Variants in SERPINA5 observed in about 807,000 individuals in gnomAD.
SERPINA5 encodes plasma serine protease inhibitor.
SERPINA5 carries 25 observed loss-of-function variants against 25.3 expected under a neutral mutation model. The ratio of observed to expected loss-of-function variants is 0.99; its 90% confidence interval spans 0.72 to 1.38. The LOEUF (loss-of-function observed/expected upper bound fraction) is 1.38, where lower values mean the gene tolerates loss of function less well. SERPINA5 is among the 40% of genes most tolerant of loss of function. The probability of loss-of-function intolerance (pLI) is 0.00; values close to 1 mark genes in which losing one functional copy is unlikely to be tolerated. For missense variants in SERPINA5, 599 were observed against 509.5 expected (o/e 1.18, Z -1.69); for synonymous variants, 234 against 206.2 (o/e 1.14, Z -1.16).
Position 94,587,986 on chromosome 14 carries a change from G to A in SERPINA5, c.619+5G>A, listed in dbSNP as rs767343216. 8.7e-6 allele frequency: 14 copies of A among 1,608,748 alleles called. No homozygotes were observed. The African/African-American group carries it at 1.5e-4, about 17-fold the overall frequency. On this transcript the variant is annotated splice_donor_5th_base_variant and intron_variant, in intron 3 of 5. Transcript: ENST00000329597. ...TGAATTACATCTTCTTTAAAGGTAAGGCCCTTGGGCCCAAACCTGCACTTT... is the reference window on the plus strand; with the variant it reads ...TGAATTACATCTTCTTTAAAGGTAAAGCCCTTGGGCCCAAACCTGCACTTT...
At chr14:94,589,053 C>T (rs1006048378) in intron 3 of SERPINA5, among the ~76,000 whole-genome samples, 1 of 152,310 alleles carries the variant, frequency 6.6e-6, no homozygotes. Flanking sequence ...TTTCCTATCC[C>T]CTGGTGCAGG....
Position 94,590,775 on chromosome 14 carries a change from T to C in SERPINA5, c.917T>C (p.Phe306Ser), listed in dbSNP as rs770185883. The C allele has an allele frequency of 5.0e-6, 8 of 1,613,728 alleles. No individual in the cohort carries two copies. Among genetic ancestry groups the C allele is most frequent in the Non-Finnish European group, 6.8e-6 (8 of 1,179,862 alleles). Residue 306 changes from phenylalanine (F) to serine (S), a missense_variant, in exon 5 of 6, where the codon TTC becomes TCC. Transcript: ENST00000329597. The part of the protein sequence containing the change: ...KRQLELYLPK[F>S]SIEGSYQLEK... ...CAGCTCGAGCTTTACCTTCCCAAAT[T>C]CTCCATTGAGGGCTCCTATCAGCTG...
At chr14:94,583,791 G>A (rs1423347985) in intron 2 of SERPINA5, among the ~76,000 whole-genome samples, 1 of 152,162 alleles carries the variant, frequency 6.6e-6, no homozygotes, top group East Asian at 1.9e-4. Context: ...AAACACTAAA[G>A]CCAGGGACCA....
chr14:94,584,997 C>T (rs775830929), intron 2 of SERPINA5, among the ~76,000 whole-genome samples: 20 of 152,198 alleles, frequency 1.3e-4, no homozygotes, highest in Non-Finnish European at 2.2e-4. Context: ...ACTCTGCTCA[C>T]TCATTATCTG....
At chr14:94,584,990 C>T (rs1885028421) in intron 2 of SERPINA5, among the ~76,000 whole-genome samples, 3 of 152,228 alleles carry the variant, frequency 2.0e-5, no homozygotes, top group African/African-American at 7.2e-5. Context: ...AGCCCAGACT[C>T]TGCTCACTCA....
intron 2 of SERPINA5, among the ~76,000 whole-genome samples, chr14:94,583,123 A>G (rs1884967422): frequency 6.6e-6 from 1 of 152,236 alleles, no homozygotes; most frequent in African/African-American, 2.4e-5. Context: ...CAGCAGCCCT[A>G]GTGGGTTAGA....
intron 2 of SERPINA5, among the ~76,000 whole-genome samples, chr14:94,584,796 C>G (rs1345397360): frequency 6.6e-6 from 1 of 152,158 alleles, no homozygotes; most frequent in Non-Finnish European, 1.5e-5. Context: ...GGGGGTTGAG[C>G]CACATTGTTT....
rs779835996 is a variant in SERPINA5, at chr14:94,592,105, G to T, written c.1087G>T (p.Ala363Ser). 1 of 1,614,078 alleles carries T rather than the reference G, an allele frequency of 6.2e-7. No individual in the cohort carries two copies. The highest frequency in any genetic ancestry group is 8.5e-7 in the Non-Finnish European group (1 of 1,179,938). ...GGTGGACGAGTCGGGAACCAGAGCA[G>T]CGGCAGCCACGGGGACAATATTCAC... is the stretch of plus-strand genomic sequence containing the variant. ...VEVDESGTRAAAATGTIFTFR... is the reference protein window; with the variant it reads ...VEVDESGTRASAATGTIFTFR... The change falls in exon 6 of 6, where the codon GCG (alanine) becomes TCG (serine). Residue 363 changes from alanine to serine, a missense_variant. Transcript: ENST00000329597.
rs1383591481 is a variant in SERPINA5 at position 94,587,575 on chromosome 14, C to T, written c.213C>T (p.Ser71=). 4 of 1,613,926 alleles carry T rather than the reference C, an allele frequency of 2.5e-6. No individual in the cohort carries two copies. In the South Asian group the frequency reaches 4.4e-5, roughly 18 times the overall value. ...PSQSIFFSPV[S]ISMSLAMLSL... ...AGAGCATCTTCTTCTCCCCTGTGAG[C>T]ATCTCCATGAGCCTGGCCATGCTCT... The change falls in exon 3 of 6, where the codon AGC becomes AGT. Residue 71 remains serine, a synonymous_variant. Transcript: ENST00000329597.
At chr14:94,589,959 T>A in intron 3 of SERPINA5, 82 bp from the exon 4 acceptor site, 1 of 1,375,956 alleles carries the variant, frequency 7.3e-7, no homozygotes. Flanking sequence ...ATCTTTACTG[T>A]CTTCACTCCT....
intron 5 of SERPINA5, among the ~76,000 whole-genome samples, chr14:94,591,424 C>G (rs1885287463): frequency 6.6e-6 from 1 of 151,866 alleles, no homozygotes; most frequent in Non-Finnish European, 1.5e-5. Flanking sequence ...CCATTCTACT[C>G]TATTCTATTC....
At chr14:94,586,966 AAGC>A (rs1357213980) in intron 2 of SERPINA5, 1 of 172,394 alleles carries the variant, frequency 5.8e-6, no homozygotes. Context: ...GCTCACATGG[AAGC>A]AGCTTAGTTC....
chr14:94,584,728 G>A (rs980726395), intron 2 of SERPINA5, among the ~76,000 whole-genome samples: 6 of 152,166 alleles, frequency 3.9e-5, no homozygotes, highest in African/African-American at 1.4e-4. Flanking sequence ...TATCCAATAA[G>A]GAAACTCCCC....
chr14:94,590,419 G>A (rs1566838763), intron 4 of SERPINA5, 108 bp downstream of exon 4: 1 of 1,374,312 alleles, frequency 7.3e-7, no homozygotes. Context: ...ACCCAGCCAA[G>A]GAGCTGCCTC....
rs751593368 is a variant in SERPINA5 at position 94,587,661 on chromosome 14, A to C, written c.299A>C (p.Gln100Pro). 6 of 1,613,938 alleles carry C rather than the reference A, an allele frequency of 3.7e-6. No individual in the cohort carries two copies. Among genetic ancestry groups the C allele is most frequent in the African/African-American group, 1.3e-5 (1 of 74,946 alleles). ...QILEGLGLNLQKSSEKELHRG... is the reference protein window; with the variant it reads ...QILEGLGLNLPKSSEKELHRG... ...CTGGAGGGCCTGGGCCTCAACCTCC[A>C]GAAAAGCTCAGAGAAGGAGCTGCAC... The change falls in exon 3 of 6, where the codon CAG (glutamine) becomes CCG (proline). Residue 100 changes from glutamine to proline, a missense_variant. By Grantham distance (76) the Gln-to-Pro change is moderately conservative (BLOSUM62 -1). Transcript: ENST00000329597.
intron 2 of SERPINA5, among the ~76,000 whole-genome samples, chr14:94,586,126 A>G (rs1885073749): frequency 6.6e-6 from 1 of 152,136 alleles, no homozygotes; most frequent in African/African-American, 2.4e-5. Context: ...GGGCACAGGA[A>G]CGGCTCTTGG....
Position 94,587,329 on chromosome 14 carries a change from CCTT to C in SERPINA5, c.-17-13_-17-11del. 2.6e-6 allele frequency: 4 copies of C among 1,563,450 alleles called. No individual in the cohort carries two copies. Among genetic ancestry groups the C allele is most frequent in the Non-Finnish European group, 2.6e-6 (3 of 1,159,854 alleles). Reference sequence around the variant, plus strand: ...CCAGCTCCACCCCTCTCTGAGGACACCTTCTTTCCCTTTCAGAACAAAGAACAG... The same window carrying C: ...CCAGCTCCACCCCTCTCTGAGGACACCTTTCCCTTTCAGAACAAAGAACAG... On this transcript the variant is annotated splice_polypyrimidine_tract_variant and intron_variant, in intron 2 of 5. Coordinates refer to ENST00000329597, the MANE Select transcript of SERPINA5 (RefSeq NM_000624.6).
In SERPINA5 at chr14:94,587,970, T is replaced by C; in HGVS notation, c.608T>C (p.Ile203Thr). 1.2e-6 allele frequency: 2 copies of C among 1,613,764 alleles called. No individual in the cohort carries two copies. The highest frequency in any genetic ancestry group is 1.7e-6 in the Non-Finnish European group (2 of 1,179,702). ...SNAVVIMVNYIFFKAKWETSF... is the reference protein window; with the variant it reads ...SNAVVIMVNYTFFKAKWETSF... ...GCGGTCGTGATCATGGTGAATTACA[T>C]CTTCTTTAAAGGTAAGGCCCTTGGG... Residue 203 changes from isoleucine (I) to threonine (T), a missense_variant, in exon 3 of 6, where the codon ATC (isoleucine) becomes ACC (threonine). Physicochemically the swap from Ile to Thr is moderately conservative, Grantham distance 89. Coordinates refer to ENST00000329597, the MANE Select transcript of SERPINA5 (RefSeq NM_000624.6).
intron 3 of SERPINA5, among the ~76,000 whole-genome samples, chr14:94,589,776 G>A (rs2066969): frequency 0.39 from 59,755 of 152,010 alleles, 12,766 homozygotes; most frequent in Middle Eastern, 0.54. Flanking sequence ...AACATCAGGG[G>A]TCCAGGGCCT....
Sources: allele counts gnomAD v4.1 joint callset (sites outside exome capture counted in the v4.1 genomes callset), GRCh38; gene constraint gnomAD v4.1.1; transcripts MANE v1.5; gene names NCBI Gene and HGNC (gene_info 2026-07-23, HGNC 2026-07-21).